SEC23B: variants seen among roughly 807,000 people sequenced by gnomAD.
SEC23B encodes SEC23 homolog B, COPII component, also known as protein transport protein Sec23B.
SEC23B carries 77 observed loss-of-function variants against 104.3 expected under a neutral mutation model. The ratio of observed to expected loss-of-function variants is 0.74; its 90% CI spans 0.61 to 0.89. SEC23B has a LOEUF of 0.89. Ranked by LOEUF, SEC23B falls within the 40% of genes least tolerant of loss-of-function variation. The pLI, the probability that SEC23B is intolerant of heterozygous loss-of-function variation, is 0.00. For missense variants in SEC23B, 885 were observed against 949.4 expected (o/e 0.93, Z 0.89); for synonymous variants, 338 against 332.5 (o/e 1.02, Z -0.18).
intron 12 of SEC23B, among the ~76,000 whole-genome samples, chr20:18,536,691 CAAA>C (rs533442421): frequency 8.8e-6 from 1 of 113,584 alleles, no homozygotes; most frequent in African/African-American, 3.2e-5. Flanking sequence ...GACTCCATCT[CAAA>C]AAAAAAAAAA....
Position 18,519,541 on chromosome 20 carries a change from C to T in SEC23B, c.366+3805C>T, listed in dbSNP as rs140852519. ...TTGTTTGGACAAAAAGGCTACAGTG[C>T]GCGGTCCCGTTCCTTGTGTAAGAAT... On this transcript the variant is annotated intron_variant, in intron 4 of 19. Coordinates refer to ENST00000650089, the MANE Select transcript of SEC23B (RefSeq NM_006363.6). 4.7e-3 allele frequency among the ~76,000 whole-genome samples: 720 copies of T among 151,706 alleles called. 4 individuals are homozygous for T. Among genetic ancestry groups the T allele is most frequent in the African/African-American group, 0.017 (689 of 41,372 alleles).
chr20:18,551,016 G>T, intron 16 of SEC23B, 73 bp from the exon 17 acceptor site: 1 of 906,138 alleles, frequency 1.1e-6, no homozygotes, highest in South Asian at 1.3e-5. Flanking sequence ...CATGGGATCA[G>T]GGTCGGGTGG....
In SEC23B at chr20:18,510,946, C is replaced by A; in HGVS notation, c.111C>A (p.Pro37=). The change falls in exon 2 of 20, where the codon CCC becomes CCA. Residue 37 remains proline, a synonymous_variant. Transcript: ENST00000650089. ...TGGAGGCTACAAGAATGGTTGTACC[C>A]CTGGCTTGTCTCCTTACTCCTTTGA... ...SRLEATRMVV[P]LACLLTPLKE... is the part of the protein sequence containing the mutation. 1 of 1,614,084 alleles carries A rather than the reference C, an allele frequency of 6.2e-7. No homozygotes were observed. The highest frequency in any genetic ancestry group is 1.7e-5 in the Admixed American group (1 of 60,010).
chr20:18,535,356 C>G (rs1310458168), intron 11 of SEC23B, among the ~76,000 whole-genome samples: 1 of 151,916 alleles, frequency 6.6e-6, no homozygotes, highest in African/African-American at 2.4e-5. Flanking sequence ...GCCTGGGCAA[C>G]AGAGTGAGAG....
At position 18,532,072 on chromosome 20, in the gene SEC23B, G is replaced by A. The variant is rs566160805; in HGVS notation, c.1234-592G>A. Among the ~76,000 whole-genome samples, 297 of 152,254 alleles carry A rather than the reference G, an allele frequency of 2.0e-3. 1 individual carries two copies. The highest frequency in any genetic ancestry group is 2.4e-3 in the Non-Finnish European group (163 of 68,016). On this transcript the variant is annotated intron_variant, in intron 10 of 19. Transcript: ENST00000650089. ...CAGTTGGCGGGGCAGGTCAGGGGCC[G>A]TCATTAGAAGATACGATTGGAATTA...
chr20:18,547,527 C>T (rs935919081), intron 15 of SEC23B, among the ~76,000 whole-genome samples: 5 of 152,072 alleles, frequency 3.3e-5, no homozygotes, highest in African/African-American at 4.8e-5. Flanking sequence ...TCCTCGAGGG[C>T]GAGAACCTAT....
chr20:18,555,155 C>T lies in SEC23B; in HGVS notation c.2196C>T (p.Asn732=). The T allele has an allele frequency of 1.2e-6, 2 of 1,613,674 alleles. No individual in the cohort carries two copies. Among genetic ancestry groups the T allele is most frequent in the Non-Finnish European group, 1.7e-6 (2 of 1,179,658 alleles). The change falls in exon 19 of 20, where the codon AAC becomes AAT. Residue 732 remains asparagine, a synonymous_variant. Transcript: ENST00000650089. ...SKVNPSQTHN[N]LYAWGQETGA... is the part of the protein sequence containing the mutation. ...TGAACCCATCTCAGACACACAATAA[C>T]CTGTATGCTTGGGGACAGGTAAGAA...
At chr20:18,516,080 C>G (rs2060021919) in intron 4 of SEC23B, 1 of 280,594 alleles carries the variant, frequency 3.6e-6, no homozygotes, top group African/African-American at 2.2e-5. Flanking sequence ...ACTGGAAAAT[C>G]CCATTGGCTC....
chr20:18,517,949 T>G (rs886940533), intron 4 of SEC23B, among the ~76,000 whole-genome samples: 11 of 152,160 alleles, frequency 7.2e-5, no homozygotes, highest in Admixed American at 7.2e-4. Context: ...TGTAATTACT[T>G]GTTTGGTTGG....
chr20:18,548,850 A>G, intron 16 of SEC23B, 80 bp downstream of exon 16: 1 of 1,432,666 alleles, frequency 7.0e-7, no homozygotes, highest in Admixed American at 1.7e-5. Flanking sequence ...TACTTAGCAG[A>G]ACTGTAAAAA....
intron 12 of SEC23B, among the ~76,000 whole-genome samples, chr20:18,539,872 C>T (rs1035007652): frequency 5.9e-5 from 9 of 151,664 alleles, no homozygotes; most frequent in Non-Finnish European, 1.3e-4. Context: ...CTTGAACTCC[C>T]GACCTCAGGT....
At chr20:18,559,057 ACTC>A (rs2060467403) in intron 19 of SEC23B, among the ~76,000 whole-genome samples, 1 of 103,190 alleles carries the variant, frequency 9.7e-6, no homozygotes, top group South Asian at 3.7e-4. Context: ...TTCTTACACT[ACTC>A]TGACAGGGAA....
intron 13 of SEC23B, 43 bp downstream of exon 13, chr20:18,542,445 AT>A: frequency 6.6e-7 from 1 of 1,512,036 alleles, no homozygotes; most frequent in Non-Finnish European, 9.2e-7. Context: ...ACTGACTGAC[AT>A]TTTTCCCTTG....
intron 12 of SEC23B, among the ~76,000 whole-genome samples, chr20:18,539,597 A>G (rs1268488536): frequency 6.7e-6 from 1 of 150,020 alleles, no homozygotes; most frequent in Non-Finnish European, 1.5e-5. Context: ...TTGGCCTCCC[A>G]AAGTGCTGGG....
intron 12 of SEC23B, among the ~76,000 whole-genome samples, chr20:18,541,008 T>C (rs539065762): frequency 5.3e-5 from 8 of 152,264 alleles, no homozygotes; most frequent in Non-Finnish European, 1.0e-4. Context: ...TGTGGTTTAG[T>C]GTAGCCACCA....
intron 12 of SEC23B, among the ~76,000 whole-genome samples, chr20:18,537,022 A>G (rs2060238012): frequency 6.6e-6 from 1 of 152,210 alleles, no homozygotes; most frequent in Non-Finnish European, 1.5e-5. Context: ...GAGGCAGAAG[A>G]AAATCCACAT....
intron 19 of SEC23B, among the ~76,000 whole-genome samples, chr20:18,559,082 G>T (rs949298934): frequency 1.3e-5 from 2 of 151,326 alleles, no homozygotes; most frequent in Non-Finnish European, 3.0e-5. Context: ...GTGGTTGGTG[G>T]GGGGGGTGTC....
intron 4 of SEC23B, among the ~76,000 whole-genome samples, chr20:18,523,068 AAAAAAAAAG>A: frequency 1.3e-5 from 1 of 74,080 alleles, no homozygotes; most frequent in South Asian, 5.5e-4. Flanking sequence ...CTCCGTCTCA[AAAAAAAAAG>A]AAAAAAAAAT....
intron 3 of SEC23B, among the ~76,000 whole-genome samples, chr20:18,512,539 G>A (rs2059990429): frequency 6.6e-6 from 1 of 152,116 alleles, no homozygotes; most frequent in Non-Finnish European, 1.5e-5. Context: ...CACATTTTCT[G>A]TAGGCAGTGA....
Sources: allele counts gnomAD v4.1 joint callset (sites outside exome capture counted in the v4.1 genomes callset), GRCh38; gene constraint gnomAD v4.1.1; transcripts MANE v1.5; gene names NCBI Gene and HGNC (gene_info 2026-07-23, HGNC 2026-07-21).